The following KIAA1328 variants were observed in gnomAD, a reference collection of about 807,000 sequenced individuals.
The protein encoded by KIAA1328 is KIAA1328.
A neutral mutation model predicts 68.1 loss-of-function variants in KIAA1328; 52 were observed. That is an observed-to-expected ratio of 0.76 (90% CI 0.61 to 0.96). KIAA1328 has a LOEUF of 0.96. KIAA1328 is among the 40% of genes least tolerant of loss of function. KIAA1328 has a pLI of 0.00. For missense variants in KIAA1328, 641 were observed against 677.6 expected, an observed-to-expected ratio of 0.95 and a Z score of 0.60; for synonymous variants, 232 against 239.4, an observed-to-expected ratio of 0.97 and a Z score of 0.28.
intron 7 of KIAA1328, among the ~76,000 whole-genome samples, chr18:37,117,865 C>A (rs1183970495): frequency 2.1e-5 from 3 of 142,844 alleles, no homozygotes; most frequent in Non-Finnish European, 1.5e-5. Context: ...AGAAAACGGA[C>A]GTAGTTGGTT....
intron 7 of KIAA1328, among the ~76,000 whole-genome samples, chr18:37,085,354 G>A (rs898521424): frequency 2.6e-5 from 4 of 152,192 alleles, no homozygotes; most frequent in Non-Finnish European, 4.4e-5. Flanking sequence ...GCCAGAGTTT[G>A]TGGAAAGGGT....
At chr18:36,977,869 C>T (rs954427878) in intron 6 of KIAA1328, among the ~76,000 whole-genome samples, 11 of 151,884 alleles carry the variant, frequency 7.2e-5, no homozygotes, top group Admixed American at 2.0e-4. Context: ...CTGCAACCTC[C>T]GCCTTCCAGG....
At chr18:37,189,503 C>A (rs566219685) in intron 9 of KIAA1328, among the ~76,000 whole-genome samples, 4 of 152,256 alleles carry the variant, frequency 2.6e-5, no homozygotes, top group Non-Finnish European at 2.9e-5. Context: ...AGCTATTTAA[C>A]ATTAATTTCT....
At chr18:36,980,075 G>A (rs1344164397) in intron 6 of KIAA1328, among the ~76,000 whole-genome samples, 3 of 152,148 alleles carry the variant, frequency 2.0e-5, no homozygotes, top group African/African-American at 7.2e-5. Flanking sequence ...ACCAGTGGAG[G>A]CAGCATTCAA....
At chr18:37,067,684 C>T (rs1021186187) in intron 7 of KIAA1328, 139 bp downstream of exon 7, 19 of 911,822 alleles carry the variant, frequency 2.1e-5, no homozygotes, top group East Asian at 1.4e-4. Flanking sequence ...CTCAGCCTCC[C>T]GAGTAGCTGG....
chr18:36,917,175 A>G (rs2049738860), intron 5 of KIAA1328, among the ~76,000 whole-genome samples: 3 of 152,080 alleles, frequency 2.0e-5, no homozygotes, highest in African/African-American at 7.2e-5. Flanking sequence ...GTTTTCTTGT[A>G]ATTTGGAATA....
chr18:37,125,827 C>T (rs1463750193), intron 7 of KIAA1328, among the ~76,000 whole-genome samples: 1 of 152,212 alleles, frequency 6.6e-6, no homozygotes, highest in Admixed American at 6.5e-5. Context: ...AGTCAAAACA[C>T]AGGCACACAC....
chr18:37,037,918 G>A (rs1283755710), intron 6 of KIAA1328, among the ~76,000 whole-genome samples: 4 of 152,054 alleles, frequency 2.6e-5, no homozygotes, highest in Non-Finnish European at 1.5e-5. Context: ...TGGCTAGCAC[G>A]GTGAAGCCTG....
chr18:36,861,130 A>C (rs779505787), intron 4 of KIAA1328, among the ~76,000 whole-genome samples: 3 of 152,108 alleles, frequency 2.0e-5, no homozygotes, highest in Non-Finnish European at 4.4e-5. Flanking sequence ...ATGTTTCTTT[A>C]GTCTCCTCCT....
intron 5 of KIAA1328, among the ~76,000 whole-genome samples, chr18:36,914,873 G>A (rs2049622343): frequency 6.6e-6 from 1 of 152,012 alleles, no homozygotes; most frequent in Non-Finnish European, 1.5e-5. Flanking sequence ...AATATACAGA[G>A]AATCTGTATG....
At chr18:36,970,432 C>T (rs747133514) in intron 6 of KIAA1328, among the ~76,000 whole-genome samples, 51 of 152,128 alleles carry the variant, frequency 3.4e-4, no homozygotes, top group Non-Finnish European at 6.5e-4. Flanking sequence ...TCTTACTCAA[C>T]GTAGTATTGG....
chr18:36,959,759 G>A (rs2051581581), intron 6 of KIAA1328, among the ~76,000 whole-genome samples: 1 of 152,178 alleles, frequency 6.6e-6, no homozygotes, highest in East Asian at 1.9e-4. Flanking sequence ...GTTACTCATT[G>A]TCCTTATGGA....
chr18:36,861,345 T>C (rs1356049454), intron 4 of KIAA1328, among the ~76,000 whole-genome samples: 4 of 152,194 alleles, frequency 2.6e-5, no homozygotes, highest in Non-Finnish European at 4.4e-5. Context: ...AGTTGGCCAG[T>C]GTATAGTGTG....
chr18:36,949,062 G>A (rs770466834), intron 5 of KIAA1328, among the ~76,000 whole-genome samples: 5 of 152,236 alleles, frequency 3.3e-5, no homozygotes, highest in Non-Finnish European at 7.4e-5. Context: ...GTTAATTATT[G>A]TTGTGCAGTT....
chr18:36,976,798 A>C (rs997456417), intron 6 of KIAA1328, among the ~76,000 whole-genome samples: 6 of 152,210 alleles, frequency 3.9e-5, no homozygotes, highest in African/African-American at 1.4e-4. Flanking sequence ...AATCTTAAGA[A>C]TGCTGAGCAG....
intron 6 of KIAA1328, among the ~76,000 whole-genome samples, chr18:37,043,523 A>G (rs2055343242): frequency 6.6e-6 from 1 of 152,076 alleles, no homozygotes; most frequent in Non-Finnish European, 1.5e-5. Context: ...TCTTAAGCCT[A>G]GCTTCATAGA....
chr18:36,993,005 G>A (rs12957756), intron 6 of KIAA1328, among the ~76,000 whole-genome samples: 111,353 of 151,994 alleles, frequency 0.73, 43,934 homozygotes, highest in South Asian at 0.89. Context: ...TCCTGGGGAG[G>A]CTAAGGTTGA....
intron 5 of KIAA1328, among the ~76,000 whole-genome samples, chr18:36,934,359 T>C (rs1161331107): frequency 2.0e-5 from 3 of 152,170 alleles, no homozygotes; most frequent in Non-Finnish European, 4.4e-5. Context: ...GTGCACAATG[T>C]GCAGGTTAGT....
chr18:37,038,484 A>C (rs1427375581), intron 6 of KIAA1328, among the ~76,000 whole-genome samples: 1 of 152,086 alleles, frequency 6.6e-6, no homozygotes, highest in East Asian at 1.9e-4. Context: ...AGTATATTAA[A>C]ATATAGTGGA....
Sources: allele counts gnomAD v4.1 joint callset (sites outside exome capture counted in the v4.1 genomes callset), GRCh38; gene constraint gnomAD v4.1.1; transcripts MANE v1.5; gene names NCBI Gene and HGNC (gene_info 2026-07-23, HGNC 2026-07-21).